Variants in CCNJL observed in about 807,000 individuals in gnomAD.
CCNJL encodes cyclin J like.
A neutral mutation model predicts 33.4 loss-of-function variants in CCNJL; 33 were observed. The observed-to-expected ratio is 0.99, with a 90% CI of 0.75 to 1.32. The LOEUF is 1.32. CCNJL is among the 40% of genes most tolerant of loss of function. The pLI is 0.00. For missense variants in CCNJL, 512 were observed against 499.7 expected (o/e 1.02, Z -0.23); for synonymous variants, 227 against 220.9 (o/e 1.03, Z -0.24).
At chr5:160,273,578 G>A (rs146221444) in intron 3 of CCNJL, among the ~76,000 whole-genome samples, 2 of 152,044 alleles carry the variant, frequency 1.3e-5, no homozygotes, top group African/African-American at 4.8e-5. Context: ...ATATGGGTAT[G>A]GGTCAATCCA....
intron 2 of CCNJL, among the ~76,000 whole-genome samples, chr5:160,290,707 G>C (rs1762554803): frequency 6.6e-6 from 1 of 152,106 alleles, no homozygotes; most frequent in Non-Finnish European, 1.5e-5. Context: ...TGAGGGCACA[G>C]ACTGGGCTTG....
chr5:160,320,992 TTC>T (rs1763446219), intron 1 of CCNJL, among the ~76,000 whole-genome samples: 2 of 77,882 alleles, frequency 2.6e-5, no homozygotes, highest in Admixed American at 1.1e-4. Flanking sequence ...CTCTCTTTCT[TTC>T]TTTCTCTCTC....
rs111557855 is a variant in CCNJL at position 160,249,611 on chromosome 5, A to G, written c.*3767T>C. 1 of 152,008 alleles carries G rather than the reference A, an allele frequency of 6.6e-6. No homozygotes were observed. The highest frequency in any genetic ancestry group is 1.5e-5 in the Non-Finnish European group (1 of 67,996). The allele number at this position is 152,008 out of a possible 1,614,324, so 9.4% of individuals were successfully genotyped here. On this transcript the variant is annotated 3_prime_UTR_variant, in exon 6 of 6. Transcript: ENST00000257536. ...AACCTCATCTCTACAAAAAATACCA[A>G]AATTAGCTGGGTATGGTGACAGGTG...
intron 2 of CCNJL, among the ~76,000 whole-genome samples, chr5:160,308,203 G>A (rs1763152498): frequency 6.6e-6 from 1 of 152,176 alleles, no homozygotes; most frequent in African/African-American, 2.4e-5. Context: ...AAGTGGAGAG[G>A]TGCAATGCCT....
intron 3 of CCNJL, among the ~76,000 whole-genome samples, chr5:160,269,867 C>T (rs1220143036): frequency 6.6e-6 from 1 of 152,236 alleles, no homozygotes; most frequent in Non-Finnish European, 1.5e-5. Context: ...TTACTAGGCA[C>T]ATCCGAGCTG....
At chr5:160,258,134 C>T in intron 4 of CCNJL, 1 of 359,260 alleles carries the variant, frequency 2.8e-6, no homozygotes, top group Non-Finnish European at 5.2e-6. Flanking sequence ...GCATAAGCCA[C>T]CGCGCCCAGT....
intron 3 of CCNJL, among the ~76,000 whole-genome samples, chr5:160,262,814 G>C (rs1442381561): frequency 6.6e-6 from 1 of 152,250 alleles, no homozygotes; most frequent in East Asian, 1.9e-4. Flanking sequence ...GTGCCTGGCA[G>C]ACATTTCCTC....
At chr5:160,258,544 G>A (rs1333948478) in intron 4 of CCNJL, 2 of 1,521,264 alleles carry the variant, frequency 1.3e-6, no homozygotes, top group Non-Finnish European at 1.8e-6. Context: ...TCTGAAAGAG[G>A]TTATTCGGGA....
chr5:160,327,801 A>G (rs572106372), intron 1 of CCNJL, among the ~76,000 whole-genome samples: 188 of 152,352 alleles, frequency 1.2e-3, no homozygotes, highest in African/African-American at 4.3e-3. Flanking sequence ...ACATTATCCA[A>G]ATAAACTATC....
intron 2 of CCNJL, among the ~76,000 whole-genome samples, chr5:160,311,329 CAT>C (rs1763254260): frequency 6.6e-6 from 1 of 152,158 alleles, no homozygotes; most frequent in Admixed American, 6.5e-5. Context: ...TAGATATACA[CAT>C]AGATACACGT....
chr5:160,260,602 G>T (rs1208252064), intron 3 of CCNJL, among the ~76,000 whole-genome samples: 1 of 152,110 alleles, frequency 6.6e-6, no homozygotes, highest in African/African-American at 2.4e-5. Context: ...TGCCCTGAGG[G>T]TCAAGACTCA....
upstream of CCNJL, chr5:160,312,958 T>C (rs1457528617): frequency 3.3e-5 from 5 of 152,022 alleles, no homozygotes; most frequent in African/African-American, 1.2e-4. Flanking sequence ...CCTGTTTTTG[T>C]TTTTTGTTTG....
At chr5:160,316,787 G>A (rs1763386101), upstream of CCNJL, among the ~76,000 whole-genome samples, 1 of 152,166 alleles carries the variant, frequency 6.6e-6, no homozygotes, top group African/African-American at 2.4e-5. Flanking sequence ...ATGGCATCCC[G>A]TAGTTCCATA....
At chr5:160,277,886 C>T (rs982815824) in intron 3 of CCNJL, among the ~76,000 whole-genome samples, 2 of 151,914 alleles carry the variant, frequency 1.3e-5, no homozygotes, top group African/African-American at 2.4e-5. Context: ...GCTGGGATTA[C>T]AGGCGCCCAT....
intron 5 of CCNJL, chr5:160,254,071 T>C: frequency 4.3e-6 from 2 of 469,362 alleles, no homozygotes; most frequent in Non-Finnish European, 3.7e-6. Context: ...CATGCTGCCC[T>C]ATCTCCACAG....
chr5:160,301,874 C>T (rs974003896), intron 2 of CCNJL, among the ~76,000 whole-genome samples: 5 of 152,048 alleles, frequency 3.3e-5, no homozygotes, highest in Middle Eastern at 3.4e-3. Flanking sequence ...GGATTACAGG[C>T]ATGTGCCACC....
intron 4 of CCNJL, among the ~76,000 whole-genome samples, chr5:160,256,100 G>A (rs1164922361): frequency 6.6e-6 from 1 of 152,094 alleles, no homozygotes; most frequent in Non-Finnish European, 1.5e-5. Flanking sequence ...TGTAATTCAG[G>A]CTGGTATCGA....
intron 2 of CCNJL, among the ~76,000 whole-genome samples, chr5:160,297,045 G>A (rs1420946455): frequency 6.6e-6 from 1 of 152,184 alleles, no homozygotes; most frequent in Non-Finnish European, 1.5e-5. Flanking sequence ...AGCTAATGGA[G>A]GGGATCTCAA....
chr5:160,289,011 A>C (rs1762499637), intron 2 of CCNJL, among the ~76,000 whole-genome samples: 1 of 152,148 alleles, frequency 6.6e-6, no homozygotes, highest in South Asian at 2.1e-4. Flanking sequence ...CATGGGAAAC[A>C]ATGTCTGCAA....
Sources: allele counts gnomAD v4.1 joint callset (sites outside exome capture counted in the v4.1 genomes callset), GRCh38; gene constraint gnomAD v4.1.1; transcripts MANE v1.5; gene names NCBI Gene and HGNC (gene_info 2026-07-23, HGNC 2026-07-21).